The following IRF2 variants were observed in gnomAD, a reference collection of about 807,000 sequenced individuals.
The protein encoded by IRF2 is interferon regulatory factor 2.
IRF2 carries 15 observed loss-of-function variants against 40.6 expected under a neutral mutation model. The observed-to-expected ratio is 0.37, with a 90% confidence interval of 0.25 to 0.57. The LOEUF is 0.57. Among genes scored for constraint, IRF2 ranks in the 20% least tolerant of loss-of-function variants. The probability of loss-of-function intolerance (pLI) is 0.77; values close to 1 mark genes in which losing one functional copy is unlikely to be tolerated. For missense variants in IRF2, 317 were observed against 455.7 expected (o/e 0.70, Z 2.77); for synonymous variants, 151 against 165.5 (o/e 0.91, Z 0.67).
chr4:184,421,736 C>G (rs886692465), intron 2 of IRF2, among the ~76,000 whole-genome samples: 5 of 152,154 alleles, frequency 3.3e-5, no homozygotes, highest in African/African-American at 1.2e-4. Flanking sequence ...TACACATACA[C>G]ACACACACAA....
At chr4:184,443,620 A>C (rs1478288449) in intron 1 of IRF2, among the ~76,000 whole-genome samples, 1 of 152,180 alleles carries the variant, frequency 6.6e-6, no homozygotes, top group African/African-American at 2.4e-5. Flanking sequence ...ACTGCTGATG[A>C]GGACCTAGGT....
At chr4:184,390,470 C>T (rs989863757) in intron 8 of IRF2, among the ~76,000 whole-genome samples, 1 of 152,204 alleles carries the variant, frequency 6.6e-6, no homozygotes, top group African/African-American at 2.4e-5. Context: ...AGCTTCTCTA[C>T]CTGATGGTAA....
chr4:184,400,772 T>C (rs1194901889), intron 6 of IRF2, among the ~76,000 whole-genome samples: 1 of 152,242 alleles, frequency 6.6e-6, no homozygotes, highest in East Asian at 1.9e-4. Context: ...AGGTAAGTCA[T>C]GATGTTTCAT....
chr4:184,411,888 G>C (rs1366889823), intron 5 of IRF2, among the ~76,000 whole-genome samples: 1 of 151,386 alleles, frequency 6.6e-6, no homozygotes, highest in Non-Finnish European at 1.5e-5. Flanking sequence ...GTTAATCCTG[G>C]TCAGGATTCA....
chr4:184,390,196 G>T (rs557653992), intron 8 of IRF2, among the ~76,000 whole-genome samples: 2 of 152,148 alleles, frequency 1.3e-5, no homozygotes, highest in South Asian at 2.1e-4. Context: ...CTGCCATTGT[G>T]CACGCCCCAT....
intron 1 of IRF2, among the ~76,000 whole-genome samples, chr4:184,430,268 C>T (rs1737824459): frequency 7.9e-6 from 1 of 126,738 alleles, no homozygotes; most frequent in Non-Finnish European, 1.8e-5. Flanking sequence ...CACCCTGGGC[C>T]TGTATGCCTC....
intron 5 of IRF2, among the ~76,000 whole-genome samples, chr4:184,417,674 T>C (rs950728894): frequency 6.6e-5 from 10 of 152,200 alleles, no homozygotes; most frequent in East Asian, 1.9e-4. Context: ...AAGGCAGCCA[T>C]TGAGAGCTGT....
intron 1 of IRF2, among the ~76,000 whole-genome samples, chr4:184,468,234 T>A (rs1739397033): frequency 6.6e-6 from 1 of 152,150 alleles, no homozygotes; most frequent in Non-Finnish European, 1.5e-5. Flanking sequence ...ACACCTGTAA[T>A]CCGAATACTT....
chr4:184,393,311 C>T (rs1010724379), intron 7 of IRF2, among the ~76,000 whole-genome samples: 26 of 152,256 alleles, frequency 1.7e-4, no homozygotes, highest in Non-Finnish European at 3.4e-4. Flanking sequence ...TTATGCTTAG[C>T]TTTCTTTGTG....
Position 184,410,887 on chromosome 4 carries a change from C to T in IRF2, c.412-2612G>A, listed in dbSNP as rs187175134. Among the ~76,000 whole-genome samples, 353 of 152,268 alleles carry T rather than the reference C, an allele frequency of 2.3e-3. 2 individuals carry two copies. Among genetic ancestry groups the T allele is most frequent in the Non-Finnish European group, 4.2e-3 (288 of 68,008 alleles). ...ATGACTCAGAGACTAAATTAATTTT[C>T]CAAGATCACGCTACTTTTAGCCTGC... is the stretch of plus-strand genomic sequence containing the variant. On this transcript the variant is annotated intron_variant, in intron 5 of 8. Transcript: ENST00000393593.
intron 7 of IRF2, among the ~76,000 whole-genome samples, chr4:184,397,079 G>C (rs773801404): frequency 2.6e-5 from 4 of 152,234 alleles, no homozygotes; most frequent in Non-Finnish European, 5.9e-5. Context: ...ACTGGCACGT[G>C]TAAGAGTCCA....
chr4:184,471,191 G>C (rs1204104294), intron 1 of IRF2, among the ~76,000 whole-genome samples: 1 of 152,086 alleles, frequency 6.6e-6, no homozygotes, highest in Non-Finnish European at 1.5e-5. Flanking sequence ...TTTATGCAAT[G>C]TTCTTTCATA....
chr4:184,393,963 G>A (rs1736352769), intron 7 of IRF2, among the ~76,000 whole-genome samples: 2 of 152,226 alleles, frequency 1.3e-5, no homozygotes, highest in Admixed American at 6.5e-5. Flanking sequence ...CTGCAGCTGG[G>A]CCTCCAGATC....
chr4:184,419,160 G>A (rs1390935618), intron 3 of IRF2, among the ~76,000 whole-genome samples: 1 of 152,100 alleles, frequency 6.6e-6, no homozygotes, highest in Non-Finnish European at 1.5e-5. Flanking sequence ...CTTTTTGGGG[G>A]GGAGATAAAT....
intron 1 of IRF2, among the ~76,000 whole-genome samples, chr4:184,429,424 G>T (rs1737793160): frequency 2.0e-5 from 3 of 152,162 alleles, no homozygotes; most frequent in African/African-American, 7.2e-5. Flanking sequence ...AGGCCCCAAC[G>T]CCTTTGGGGA....
intron 2 of IRF2, among the ~76,000 whole-genome samples, chr4:184,423,211 C>T (rs1364351143): frequency 1.3e-5 from 2 of 152,114 alleles, no homozygotes; most frequent in African/African-American, 4.8e-5. Context: ...TGTCTCATCC[C>T]CGAGTGACCA....
At chr4:184,459,705 G>C (rs148483981) in intron 1 of IRF2, among the ~76,000 whole-genome samples, 1 of 152,284 alleles carries the variant, frequency 6.6e-6, no homozygotes, top group African/African-American at 2.4e-5. Context: ...CCCTTGAATA[G>C]ACATTCCTCC....
At chr4:184,423,392 T>C (rs1561102120) in intron 2 of IRF2, among the ~76,000 whole-genome samples, 1 of 152,224 alleles carries the variant, frequency 6.6e-6, no homozygotes, top group Non-Finnish European at 1.5e-5. Context: ...TGTAGAACAA[T>C]GTTCCTTGGC....
chr4:184,428,767 C>A, intron 2 of IRF2: 1 of 580,804 alleles, frequency 1.7e-6, no homozygotes, highest in Non-Finnish European at 3.3e-6. Context: ...CCACTGCACT[C>A]CAGCGTGGGC....
Sources: allele counts gnomAD v4.1 joint callset (sites outside exome capture counted in the v4.1 genomes callset), GRCh38; gene constraint gnomAD v4.1.1; transcripts MANE v1.5; gene names NCBI Gene and HGNC (gene_info 2026-07-23, HGNC 2026-07-21).